CFAP61: variants seen among roughly 807,000 people sequenced by gnomAD.
CFAP61 encodes cilia and flagella associated protein 61.
A neutral mutation model predicts 135.6 loss-of-function variants in CFAP61; 107 were observed. The ratio of observed to expected loss-of-function variants is 0.79; its 90% confidence interval spans 0.67 to 0.93. The LOEUF (loss-of-function observed/expected upper bound fraction) is 0.93, where lower values mean the gene tolerates loss of function less well. Ranked by LOEUF, CFAP61 falls within the 40% of genes least tolerant of loss-of-function variation. The probability of loss-of-function intolerance (pLI) is 0.00; values close to 1 mark genes in which losing one functional copy is unlikely to be tolerated. For missense variants in CFAP61, 1,507 were observed against 1,556.2 expected (o/e 0.97, Z 0.53); for synonymous variants, 575 against 578.5 (o/e 0.99, Z 0.09).
chr20:20,338,539 G>A (rs556161047), intron 25 of CFAP61, among the ~76,000 whole-genome samples: 2 of 152,210 alleles, frequency 1.3e-5, no homozygotes, highest in African/African-American at 2.4e-5. Flanking sequence ...AGCGCGGACC[G>A]CCACGCTGTG....
intron 8 of CFAP61, among the ~76,000 whole-genome samples, chr20:20,103,931 CTT>C (rs2048196768): frequency 6.6e-6 from 1 of 152,204 alleles, no homozygotes; most frequent in South Asian, 2.1e-4. Flanking sequence ...AAAAACAAAA[CTT>C]TTGTTCCTCA....
At chr20:20,296,330 T>TCCTTCCTTCCCTCCTTCCTTC (rs2055563225) in intron 24 of CFAP61, among the ~76,000 whole-genome samples, 26 of 39,596 alleles carry the variant, frequency 6.6e-4, no homozygotes, top group Admixed American at 1.5e-3. Flanking sequence ...TTCCTTCCCT[T>TCCTTCCTTCCCTCCTTCCTTC]CCTTCCTTCC....
At chr20:20,232,278 A>G (rs1438097819) in intron 18 of CFAP61, among the ~76,000 whole-genome samples, 2 of 152,214 alleles carry the variant, frequency 1.3e-5, no homozygotes, top group Non-Finnish European at 2.9e-5. Flanking sequence ...CACCAAGTCT[A>G]GCATTGCTGA....
chr20:20,084,401 CCTGCTGCTGCTGCTGCTGCTG>C (rs3060422), intron 6 of CFAP61, among the ~76,000 whole-genome samples: 20 of 150,808 alleles, frequency 1.3e-4, no homozygotes, highest in Admixed American at 5.9e-4. Flanking sequence ...GCGGAGGTGG[CCTGCTGCTGCTGCTGCTGCTG>C]CTGCTGCTGC....
chr20:20,070,817 A>T (rs1306799198), intron 2 of CFAP61, 37 bp from the exon 3 acceptor site: 1 of 1,590,372 alleles, frequency 6.3e-7, no homozygotes, highest in Non-Finnish European at 8.6e-7. Flanking sequence ...ACTTTTTGTA[A>T]TCTTATTCAT....
chr20:20,132,774 G>T (rs2050641536), intron 8 of CFAP61, among the ~76,000 whole-genome samples: 2 of 151,852 alleles, frequency 1.3e-5, no homozygotes, highest in Admixed American at 1.3e-4. Flanking sequence ...TTTTTGTCTT[G>T]AAGTCTACTT....
chr20:20,237,828 T>C (rs1260187440), intron 18 of CFAP61, among the ~76,000 whole-genome samples: 2 of 152,202 alleles, frequency 1.3e-5, no homozygotes, highest in African/African-American at 4.8e-5. Flanking sequence ...TCTTTAATAC[T>C]TAACAGTTTC....
At chr20:20,062,091 C>A (rs147041492) in intron 2 of CFAP61, among the ~76,000 whole-genome samples, 1 of 152,208 alleles carries the variant, frequency 6.6e-6, no homozygotes, top group East Asian at 1.9e-4. Context: ...GAGGCCATAT[C>A]GTAAGAGAGA....
chr20:20,319,644 G>A (rs113526332), intron 25 of CFAP61, among the ~76,000 whole-genome samples: 5 of 152,286 alleles, frequency 3.3e-5, no homozygotes, highest in African/African-American at 1.2e-4. Flanking sequence ...TATAGCCTGT[G>A]CAACTGTGAG....
intron 25 of CFAP61, among the ~76,000 whole-genome samples, chr20:20,301,192 T>C (rs2122145056): frequency 6.6e-6 from 1 of 152,310 alleles, no homozygotes; most frequent in African/African-American, 2.4e-5. Flanking sequence ...GTAAGTACCC[T>C]ATACAGGTAT....
chr20:20,196,876 G>A, intron 16 of CFAP61, 100 bp downstream of exon 16: 1 of 1,040,644 alleles, frequency 9.6e-7, no homozygotes. Flanking sequence ...GATGGGTTTT[G>A]ATGATAACAT....
At chr20:20,291,418 A>G (rs995978352) in intron 24 of CFAP61, among the ~76,000 whole-genome samples, 3 of 152,308 alleles carry the variant, frequency 2.0e-5, no homozygotes, top group African/African-American at 2.4e-5. Context: ...CATACAGCCT[A>G]TCGTCTTTTC....
intron 13 of CFAP61, among the ~76,000 whole-genome samples, chr20:20,173,141 C>T (rs1395824591): frequency 6.6e-6 from 1 of 152,010 alleles, no homozygotes; most frequent in East Asian, 1.9e-4. Context: ...ATATTCTGTT[C>T]TCTGGATGTA....
rs1459022371 is a variant in CFAP61 at position 20,164,321 on chromosome 20, A to G, written c.1205+93A>G. 4 of 1,269,600 alleles carry G rather than the reference A, an allele frequency of 3.2e-6. No homozygotes were observed. In the African/African-American group the frequency reaches 6.0e-5, roughly 19 times the overall value. The allele number at this position is 1,269,600 out of a possible 1,614,324, so 78.6% of individuals were successfully genotyped here. A position where few individuals can be genotyped will look rare whatever the true frequency, so the allele number is the denominator to read the frequency against. On this transcript the variant is annotated intron_variant, in intron 11 of 26. Coordinates refer to ENST00000245957, the MANE Select transcript of CFAP61 (RefSeq NM_015585.4). ...TAACTTTACAGAGCCAGTAATTTCC[A>G]AACCTGGCCCACATCCTAATCTCCT...
chr20:20,072,233 G>C (rs993424112), intron 3 of CFAP61, among the ~76,000 whole-genome samples: 1 of 148,402 alleles, frequency 6.7e-6, no homozygotes, highest in African/African-American at 2.5e-5. Flanking sequence ...TCCTGCCTCA[G>C]CCTCCCAAGT....
intron 8 of CFAP61, among the ~76,000 whole-genome samples, chr20:20,137,023 G>A (rs1416678010): frequency 1.3e-5 from 2 of 152,152 alleles, no homozygotes; most frequent in African/African-American, 2.4e-5. Context: ...GTGCCACCTT[G>A]GTGGTCTTGG....
At chr20:20,328,790 G>A (rs1045789712) in intron 25 of CFAP61, among the ~76,000 whole-genome samples, 5 of 152,180 alleles carry the variant, frequency 3.3e-5, no homozygotes, top group African/African-American at 4.8e-5. Context: ...GGTGTTAGAC[G>A]TGACTACTTA....
Position 20,164,140 on chromosome 20 carries a change from G to A in CFAP61, c.1117G>A (p.Glu373Lys). Residue 373 changes from glutamate (E) to lysine (K), a missense_variant, in exon 11 of 27, where the codon GAG (glutamate) becomes AAG (lysine). Coordinates refer to ENST00000245957, the MANE Select transcript of CFAP61 (RefSeq NM_015585.4). Reference protein sequence around the residue: ...RSLASLVLPEEPVHFRPIYRG... With the variant: ...RSLASLVLPEKPVHFRPIYRG... The stretch of plus-strand genomic sequence containing the variant: ...CTTGGCATCGCTCGTACTGCCTGAA[G>A]AGCCCGTCCACTTCCGCCCCATCTA... 6.2e-7 allele frequency: 1 copy of A among 1,614,128 alleles called. No homozygotes were observed. Among genetic ancestry groups the A allele is most frequent in the Non-Finnish European group, 8.5e-7 (1 of 1,179,986 alleles).
intron 17 of CFAP61, among the ~76,000 whole-genome samples, chr20:20,203,459 CAAAATTAT>C (rs2056721960): frequency 6.6e-6 from 1 of 152,116 alleles, no homozygotes; most frequent in Non-Finnish European, 1.5e-5. Flanking sequence ...TTATTTTTTA[CAAAATTAT>C]TTTATTTCTT....
Sources: gnomAD v4.1 joint callset for allele counts (sites outside exome capture counted in the v4.1 genomes callset) on GRCh38, gnomAD v4.1.1 for gene constraint, MANE v1.5 for transcripts, NCBI Gene and HGNC (gene_info 2026-07-23, HGNC 2026-07-21) for gene names.